The following RNF38 variants were observed in gnomAD, a reference collection of about 807,000 sequenced individuals.
The protein encoded by RNF38 is E3 ubiquitin-protein ligase RNF38.
RNF38 carries 15 observed loss-of-function variants against 67.2 expected under a neutral mutation model. The ratio of observed to expected loss-of-function variants is 0.22; its 90% CI spans 0.15 to 0.34. RNF38 has a LOEUF of 0.34. RNF38 is among the 10% of genes least tolerant of loss of function. RNF38 has a pLI of 1.00. For synonymous variants in RNF38, 220 were observed against 218.8 expected (o/e 1.01, Z -0.05); for missense variants, 524 against 639.9 (o/e 0.82, Z 1.95).
Position 36,339,713 on chromosome 9 carries a change from TGAG to T in RNF38, c.*36_*38del. The stretch of plus-strand genomic sequence containing the variant: ...ATGGATAGTCCGTATATACATGTGA[TGAG>T]GAACACCCAAACTAAATTTGTGCTT... On this transcript the variant is annotated 3_prime_UTR_variant, in exon 12 of 12. Coordinates refer to ENST00000259605, the MANE Select transcript of RNF38 (RefSeq NM_022781.5). 1.3e-6 allele frequency: 2 copies of T among 1,533,840 alleles called. No individual in the cohort carries two copies. Among genetic ancestry groups the T allele is most frequent in the Non-Finnish European group, 1.8e-6 (2 of 1,110,896 alleles).
Position 36,369,945 on chromosome 9 carries a change from T to C in RNF38, c.357-13A>G. The C allele has an allele frequency of 6.2e-7, 1 of 1,605,296 alleles. No homozygotes were observed. The highest frequency in any genetic ancestry group is 8.5e-7 in the Non-Finnish European group (1 of 1,175,152). On this transcript the variant is annotated splice_polypyrimidine_tract_variant and intron_variant, in intron 3 of 11. Transcript: ENST00000259605. ...CCTGACAGGAGGACTGTGATAAATATCAAAAAGAAAGTCATTATGCTTATT... is the reference window on the plus strand; with the variant it reads ...CCTGACAGGAGGACTGTGATAAATACCAAAAAGAAAGTCATTATGCTTATT...
At chr9:36,374,691 T>C (rs767721041) in intron 3 of RNF38, among the ~76,000 whole-genome samples, 1 of 152,188 alleles carries the variant, frequency 6.6e-6, no homozygotes, top group Non-Finnish European at 1.5e-5. Flanking sequence ...GGCTTCACCA[T>C]GTTGGCCAGG....
At chr9:36,483,339 T>C (rs536828996) in intron 1 of RNF38, among the ~76,000 whole-genome samples, 7 of 151,828 alleles carry the variant, frequency 4.6e-5, no homozygotes, top group African/African-American at 1.7e-4. Context: ...TGAGCCGAGA[T>C]TGCGCCACTG....
chr9:36,351,095 T>G lies in RNF38; in HGVS notation c.1263+20A>C. 6.6e-7 allele frequency: 1 copy of G among 1,517,528 alleles called. No homozygotes were observed. The highest frequency in any genetic ancestry group is 9.1e-7 in the Non-Finnish European group (1 of 1,094,352). The allele number at this position is 1,517,528 out of a possible 1,614,324, so 94.0% of individuals were successfully genotyped here. A position where few individuals can be genotyped will look rare whatever the true frequency, so the allele number is the denominator to read the frequency against. ...ATGCACACAATATTCCCCAAATTAATTCACAATTCATCTACTAACCTCGTA... is the reference window on the plus strand; with the variant it reads ...ATGCACACAATATTCCCCAAATTAAGTCACAATTCATCTACTAACCTCGTA... On this transcript the variant is annotated intron_variant, in intron 9 of 11. Coordinates refer to ENST00000259605, the MANE Select transcript of RNF38 (RefSeq NM_022781.5).
chr9:36,441,859 G>A (rs1330303948), intron 1 of RNF38, among the ~76,000 whole-genome samples: 1 of 152,094 alleles, frequency 6.6e-6, no homozygotes, highest in African/African-American at 2.4e-5. Flanking sequence ...GCTATTTAAG[G>A]AATGACAACT....
intron 1 of RNF38, among the ~76,000 whole-genome samples, chr9:36,467,234 T>A (rs1298504430): frequency 1.1e-5 from 1 of 88,642 alleles, no homozygotes; most frequent in Non-Finnish European, 2.4e-5. Flanking sequence ...ATATATATAA[T>A]ATATATATAT....
At chr9:36,443,379 C>G (rs765125861) in intron 1 of RNF38, among the ~76,000 whole-genome samples, 1 of 151,950 alleles carries the variant, frequency 6.6e-6, no homozygotes, top group Non-Finnish European at 1.5e-5. Flanking sequence ...CCTCAAAGAC[C>G]GATTTTCACA....
intron 1 of RNF38, among the ~76,000 whole-genome samples, chr9:36,469,929 G>C (rs959278231): frequency 2.6e-5 from 4 of 152,088 alleles, no homozygotes; most frequent in East Asian, 1.9e-4. Context: ...CAGTGAGCCA[G>C]GATCATGCCA....
intron 1 of RNF38, among the ~76,000 whole-genome samples, chr9:36,436,053 A>T (rs2134280121): frequency 6.6e-6 from 1 of 152,330 alleles, no homozygotes; most frequent in East Asian, 1.9e-4. Flanking sequence ...AAAACAATTC[A>T]TTTAAATGTT....
chr9:36,458,206 T>C (rs1839638163), intron 1 of RNF38, among the ~76,000 whole-genome samples: 1 of 152,176 alleles, frequency 6.6e-6, no homozygotes, highest in African/African-American at 2.4e-5. Context: ...TCTGTCTAGC[T>C]AAAGGATTGT....
chr9:36,417,856 C>G (rs867918245), intron 2 of RNF38, among the ~76,000 whole-genome samples: 1 of 152,094 alleles, frequency 6.6e-6, no homozygotes, highest in Non-Finnish European at 1.5e-5. Flanking sequence ...TTTTACAAAT[C>G]TAGTTCCTAT....
chr9:36,487,148 G>A (rs1455033600), intron 1 of RNF38, among the ~76,000 whole-genome samples: 2 of 152,214 alleles, frequency 1.3e-5, no homozygotes, highest in Admixed American at 1.3e-4. Context: ...CGGCGCGGCT[G>A]AGGCGCAGGG....
intron 1 of RNF38, among the ~76,000 whole-genome samples, chr9:36,450,731 A>G (rs1839416557): frequency 6.6e-6 from 1 of 152,120 alleles, no homozygotes; most frequent in East Asian, 1.9e-4. Flanking sequence ...CCTGGCCAAC[A>G]TGTTAAAACC....
chr9:36,478,283 A>C (rs2134441346), intron 1 of RNF38, among the ~76,000 whole-genome samples: 1 of 151,118 alleles, frequency 6.6e-6, no homozygotes, highest in Non-Finnish European at 1.5e-5. Flanking sequence ...GGGCATCTGT[A>C]GTCCCAGCTA....
chr9:36,423,970 A>T (rs1449206260), intron 2 of RNF38, among the ~76,000 whole-genome samples: 2 of 27,918 alleles, frequency 7.2e-5, no homozygotes, highest in Non-Finnish European at 2.0e-4. Flanking sequence ...AAAAAAAAAA[A>T]AAAGAAAAGC....
chr9:36,392,046 G>A (rs1837154425), intron 1 of RNF38, among the ~76,000 whole-genome samples: 1 of 152,208 alleles, frequency 6.6e-6, no homozygotes, highest in Admixed American at 6.5e-5. Context: ...AGTGTAGTCA[G>A]GAAACTGCAA....
intron 2 of RNF38, among the ~76,000 whole-genome samples, chr9:36,422,280 T>C (rs1427135112): frequency 6.6e-6 from 1 of 151,908 alleles, no homozygotes; most frequent in Non-Finnish European, 1.5e-5. Context: ...AAAAATTAGC[T>C]GGCCGTGGTG....
At chr9:36,381,581 T>C (rs747744049) in intron 2 of RNF38, among the ~76,000 whole-genome samples, 2 of 152,228 alleles carry the variant, frequency 1.3e-5, no homozygotes, top group Non-Finnish European at 2.9e-5. Context: ...ACCCAGTGTA[T>C]TGGTTAACAG....
chr9:36,381,387 CTCA>C (rs1235938080), intron 2 of RNF38, among the ~76,000 whole-genome samples: 1 of 152,068 alleles, frequency 6.6e-6, no homozygotes, highest in African/African-American at 2.4e-5. Context: ...CTAGATACAC[CTCA>C]TTTTATCTCT....
Sources: gnomAD v4.1 joint callset for allele counts (sites outside exome capture counted in the v4.1 genomes callset) on GRCh38, gnomAD v4.1.1 for gene constraint, MANE v1.5 for transcripts, NCBI Gene and HGNC (gene_info 2026-07-23, HGNC 2026-07-21) for gene names.